PTPRD: variants seen among roughly 807,000 people sequenced by gnomAD.
PTPRD encodes receptor-type tyrosine-protein phosphatase delta.
A neutral mutation model predicts 214.5 loss-of-function variants in PTPRD; 34 were observed. The ratio of observed to expected loss-of-function variants is 0.16; its 90% CI spans 0.12 to 0.21. The LOEUF (loss-of-function observed/expected upper bound fraction) is 0.21, where lower values mean the gene tolerates loss of function less well. PTPRD is among the 10% of genes least tolerant of loss of function. PTPRD has a pLI of 1.00. For missense variants in PTPRD, 2,545 were observed against 2,398.7 expected (o/e 1.06, Z -1.27); for synonymous variants, 1,128 against 845.7 (o/e 1.33, Z -5.79).
intron 7 of PTPRD, among the ~76,000 whole-genome samples, chr9:9,596,608 C>G (rs116504030): frequency 1.3e-5 from 2 of 151,938 alleles, no homozygotes; most frequent in East Asian, 1.9e-4. Context: ...AGTCTCCTTT[C>G]AAATGATACA....
Position 8,557,435 on chromosome 9 carries a change from C to CATATATAT in PTPRD, c.353-28664_353-28657dup, listed in dbSNP as rs34006120. Among the ~76,000 whole-genome samples the CATATATAT allele has an allele frequency of 4.3e-4, 57 of 133,634 alleles. 2 individuals carry two copies. Among genetic ancestry groups the CATATATAT allele is most frequent in the African/African-American group, 1.5e-3 (47 of 30,820 alleles). 87.7% of individuals were successfully genotyped at this position (133,634 alleles called of 152,430 possible). A position where few individuals can be genotyped will look rare whatever the true frequency, so the allele number is the denominator to read the frequency against. On this transcript the variant is annotated intron_variant, in intron 14 of 45. Transcript: ENST00000381196. ...ACTCTTTATTTTTCATTTGTAAATACATATATATATATATATATATATTTG... is the reference window on the plus strand; with the variant it reads ...ACTCTTTATTTTTCATTTGTAAATACATATATATATATATATATATATATATATATTTG...
chr9:10,000,836 A>G (rs2096290009), intron 4 of PTPRD, among the ~76,000 whole-genome samples: 1 of 152,084 alleles, frequency 6.6e-6, no homozygotes, highest in Admixed American at 6.5e-5. Flanking sequence ...ACCCCTAGCT[A>G]TCTCCACGGG....
At chr9:9,409,821 A>C (rs1265258848) in intron 8 of PTPRD, among the ~76,000 whole-genome samples, 2 of 152,138 alleles carry the variant, frequency 1.3e-5, no homozygotes, top group Non-Finnish European at 2.9e-5. Flanking sequence ...ATAAACTCAT[A>C]TTTTAGATGA....
At chr9:8,745,963 T>A (rs985584417) in intron 11 of PTPRD, among the ~76,000 whole-genome samples, 5 of 152,170 alleles carry the variant, frequency 3.3e-5, no homozygotes, top group African/African-American at 4.8e-5. Context: ...ACATTTGGTT[T>A]TTCAATTTTT....
intron 10 of PTPRD, among the ~76,000 whole-genome samples, chr9:9,030,920 G>C (rs914588435): frequency 2.0e-5 from 3 of 151,896 alleles, no homozygotes; most frequent in African/African-American, 7.3e-5. Flanking sequence ...TTCATATGTA[G>C]TGGTGGAGTT....
At chr9:8,354,107 GA>G (rs2076374729) in intron 39 of PTPRD, among the ~76,000 whole-genome samples, 1 of 150,902 alleles carries the variant, frequency 6.6e-6, no homozygotes, top group Non-Finnish European at 1.5e-5. Flanking sequence ...ATAATAAATT[GA>G]AATTTTTAAT....
chr9:9,245,609 G>A (rs867663652), intron 9 of PTPRD, among the ~76,000 whole-genome samples: 1 of 151,974 alleles, frequency 6.6e-6, no homozygotes, highest in East Asian at 1.9e-4. Context: ...TCACACACCA[G>A]GGCCTGTTGT....
At chr9:10,205,396 A>C (rs1232766348) in intron 3 of PTPRD, among the ~76,000 whole-genome samples, 2 of 150,534 alleles carry the variant, frequency 1.3e-5, no homozygotes, top group African/African-American at 4.9e-5. Flanking sequence ...ATTTTATTTT[A>C]TTTTATTTTA....
rs192268701 is a variant in PTPRD at position 9,635,558 on chromosome 9, A to G, written c.-286-60777T>C. Among the ~76,000 whole-genome samples, 4 of 152,276 alleles carry G rather than the reference A, an allele frequency of 2.6e-5. No individual in the cohort carries two copies. In the East Asian group the frequency reaches 5.8e-4, roughly 22 times the overall value. ...TATGCTTTTACAGCTGAAGAAAGCCATTGCTCAGATTTTGGAACCATTGAC... is the reference window on the plus strand; with the variant it reads ...TATGCTTTTACAGCTGAAGAAAGCCGTTGCTCAGATTTTGGAACCATTGAC... On this transcript the variant is annotated intron_variant, in intron 7 of 45. Coordinates refer to ENST00000381196, the MANE Select transcript of PTPRD (RefSeq NM_002839.4).
intron 9 of PTPRD, among the ~76,000 whole-genome samples, chr9:9,250,104 C>T (rs978093518): frequency 6.6e-5 from 10 of 152,030 alleles, no homozygotes; most frequent in South Asian, 2.1e-4. Context: ...GAAGAACTCC[C>T]GAGCACACCA....
intron 10 of PTPRD, among the ~76,000 whole-genome samples, chr9:9,150,881 C>T (rs1338776881): frequency 6.6e-6 from 1 of 152,094 alleles, no homozygotes; most frequent in Non-Finnish European, 1.5e-5. Flanking sequence ...TTAAATTTTC[C>T]TTGGGGCGGC....
At chr9:9,214,592 G>A (rs757426330) in intron 9 of PTPRD, among the ~76,000 whole-genome samples, 8 of 151,606 alleles carry the variant, frequency 5.3e-5, no homozygotes, top group Admixed American at 6.6e-5. Context: ...GCCATTTAAT[G>A]TCTTTACCAG....
chr9:9,568,937 G>C (rs187390920), intron 8 of PTPRD, among the ~76,000 whole-genome samples: 31 of 151,896 alleles, frequency 2.0e-4, no homozygotes, highest in African/African-American at 7.2e-4. Context: ...CAGATGCTTA[G>C]TGGGTTTTGT....
At chr9:9,963,500 G>A (rs1008011847) in intron 4 of PTPRD, among the ~76,000 whole-genome samples, 17 of 152,152 alleles carry the variant, frequency 1.1e-4, no homozygotes, top group African/African-American at 3.6e-4. Flanking sequence ...TGACTGGATT[G>A]TAATGGAAAC....
chr9:8,845,389 G>C (rs1220818605), intron 11 of PTPRD, among the ~76,000 whole-genome samples: 1 of 152,156 alleles, frequency 6.6e-6, no homozygotes, highest in Non-Finnish European at 1.5e-5. Flanking sequence ...ATTAGCTCTT[G>C]GTTGCAACCT....
intron 5 of PTPRD, among the ~76,000 whole-genome samples, chr9:9,836,675 T>C (rs1051209575): frequency 6.6e-6 from 1 of 152,160 alleles, no homozygotes; most frequent in African/African-American, 2.4e-5. Flanking sequence ...TCACACAGCA[T>C]AGACTACGTG....
intron 3 of PTPRD, among the ~76,000 whole-genome samples, chr9:10,312,076 TAAAA>T (rs1424952975): frequency 6.6e-6 from 1 of 151,898 alleles, no homozygotes; most frequent in East Asian, 1.9e-4. Flanking sequence ...TGTGGCTACT[TAAAA>T]AAATAAAAAC....
intron 8 of PTPRD, among the ~76,000 whole-genome samples, chr9:9,554,204 T>C (rs1361966932): frequency 6.6e-6 from 1 of 152,042 alleles, no homozygotes; most frequent in Non-Finnish European, 1.5e-5. Context: ...CACTATCAAG[T>C]AATTTATCTT....
At chr9:9,619,040 T>A (rs2095073026) in intron 7 of PTPRD, among the ~76,000 whole-genome samples, 1 of 151,948 alleles carries the variant, frequency 6.6e-6, no homozygotes, top group African/African-American at 2.4e-5. Context: ...AGAAAAAGAA[T>A]AAAAAAATAT....
Sources: gnomAD v4.1 joint callset for allele counts (sites outside exome capture counted in the v4.1 genomes callset) on GRCh38, gnomAD v4.1.1 for gene constraint, MANE v1.5 for transcripts, NCBI Gene and HGNC (gene_info 2026-07-23, HGNC 2026-07-21) for gene names.